The following NAT10 variants were observed in gnomAD, a reference collection of about 807,000 sequenced individuals.
NAT10 encodes N-acetyltransferase 10.
Under a neutral mutation model 132.2 loss-of-function variants are expected in NAT10, and 109 were observed. The observed-to-expected ratio is 0.82, with a 90% confidence interval of 0.71 to 0.97. NAT10 has a LOEUF of 0.97. Ranked by LOEUF, NAT10 falls within the 50% of genes least tolerant of loss-of-function variation. The pLI, the probability that NAT10 is intolerant of heterozygous loss-of-function variation, is 0.00. For synonymous variants in NAT10, 479 were observed against 478.0 expected (o/e 1.00, Z -0.03); for missense variants, 1,184 against 1,263.4 (o/e 0.94, Z 0.95).
At chr11:34,107,066 CTG>C (rs1851608573) in intron 1 of NAT10, 1 of 133,566 alleles carries the variant, frequency 7.5e-6, no homozygotes, top group African/African-American at 2.8e-5. Context: ...GAGTCTCACT[CTG>C]TCGCCTAGGC....
chr11:34,137,222 C>G (rs1296016067), intron 21 of NAT10, among the ~76,000 whole-genome samples, 196 bp downstream of exon 21: 1 of 152,178 alleles, frequency 6.6e-6, no homozygotes, highest in African/African-American at 2.4e-5. Context: ...CATTTCTTCT[C>G]CGACTACACG....
Position 34,133,881 on chromosome 11 carries a change from C to G in NAT10, c.1735-438C>G, listed in dbSNP as rs916308059. Among the ~76,000 whole-genome samples, 29 of 151,848 alleles carry G rather than the reference C, an allele frequency of 1.9e-4. 1 individual carries two copies. The highest frequency in any genetic ancestry group is 8.3e-4 in the South Asian group (4 of 4,802). ...AGAATGGATGTGTCAGGCCAGGCGC[C>G]ATGGCTCACGCCTGTAATCCCAGCA... is the stretch of plus-strand genomic sequence containing the variant. On this transcript the variant is annotated intron_variant, in intron 16 of 28. Coordinates refer to ENST00000257829, the MANE Select transcript of NAT10 (RefSeq NM_024662.3).
intron 25 of NAT10, among the ~76,000 whole-genome samples, chr11:34,141,460 G>T (rs999212809): frequency 2.0e-5 from 3 of 148,420 alleles, no homozygotes; most frequent in East Asian, 3.9e-4. Flanking sequence ...ACGTGCGCGC[G>T]CAAATACAGG....
chr11:34,143,612 G>A (rs529824445), intron 28 of NAT10, 84 bp downstream of exon 28: 2 of 1,293,298 alleles, frequency 1.5e-6, no homozygotes, highest in African/African-American at 1.5e-5. Flanking sequence ...TAGAAAATAG[G>A]AGGTTGGAGC....
intron 14 of NAT10, 103 bp from the exon 15 acceptor site, chr11:34,132,022 T>G: frequency 1.2e-6 from 1 of 848,226 alleles, no homozygotes; most frequent in Non-Finnish European, 2.0e-6. Context: ...CTTAGGACAC[T>G]GAGCTCCTGT....
chr11:34,130,764 A>G (rs1208926231), intron 12 of NAT10, 49 bp from the exon 13 acceptor site: 2 of 1,610,230 alleles, frequency 1.2e-6, no homozygotes, highest in Non-Finnish European at 1.7e-6. Flanking sequence ...CCCCTCCTAG[A>G]CAGTGGATTT....
chr11:34,139,495 G>C lies in NAT10; in HGVS notation c.2419G>C (p.Ala807Pro). ...NRNMGKPAQP[A>P]LSREELEALF... ...GAACATGGGGAAGCCAGCCCAGCCT[G>C]GTGAGCCGGGTGGGGACAGGGAGGA... Residue 807 changes from alanine to proline, a missense_variant and splice_region_variant, in exon 23 of 29, where the codon GCC (alanine) becomes CCC (proline). Transcript: ENST00000257829. 1 of 1,612,988 alleles carries C rather than the reference G, an allele frequency of 6.2e-7. No homozygotes were observed. The highest frequency in any genetic ancestry group is 1.1e-5 in the South Asian group (1 of 91,054).
Position 34,124,397 on chromosome 11 carries a change from T to C in NAT10, c.1104T>C (p.Ile368=), listed in dbSNP as rs200411857. 304 of 1,612,454 alleles carry C rather than the reference T, an allele frequency of 1.9e-4. 1 individual carries two copies. In the East Asian group the frequency reaches 6.7e-3, roughly 36 times the overall value. Residue 368 remains isoleucine (I), a synonymous_variant, in exon 11 of 29, where the codon ATT becomes ATC. Transcript: ENST00000257829. ...VNVFREHRQT[I]QYIHPADAVK... is the part of the protein sequence containing the mutation. The stretch of plus-strand genomic sequence containing the variant: ...TATTTCGAGAACACAGGCAGACTAT[T>C]CAGGTGAGGCTTGTTCTCAGACCCT...
At chr11:34,131,572 G>A in intron 14 of NAT10, 41 bp downstream of exon 14, 1 of 1,564,054 alleles carries the variant, frequency 6.4e-7, no homozygotes. Flanking sequence ...GAAAAGGAGA[G>A]GGGCGGTGAA....
intron 3 of NAT10, 94 bp from the exon 4 acceptor site, chr11:34,111,958 C>CT (rs1851702088): frequency 1.4e-6 from 2 of 1,457,694 alleles, no homozygotes; most frequent in African/African-American, 1.4e-5. Context: ...CTCTGAAAGT[C>CT]TAAGTGGGTG....
chr11:34,117,083 T>C (rs894255717), intron 6 of NAT10, among the ~76,000 whole-genome samples: 2 of 152,224 alleles, frequency 1.3e-5, no homozygotes, highest in African/African-American at 4.8e-5. Context: ...TGGCCATATA[T>C]GTCTGGGAAA....
chr11:34,133,480 G>A (rs990668560), intron 16 of NAT10, among the ~76,000 whole-genome samples: 1 of 152,128 alleles, frequency 6.6e-6, no homozygotes, highest in Non-Finnish European at 1.5e-5. Flanking sequence ...ACAGATTGGG[G>A]AACAAATTTT....
intron 3 of NAT10, 96 bp from the exon 4 acceptor site, chr11:34,111,956 G>A (rs1851702031): frequency 6.9e-7 from 1 of 1,447,704 alleles, no homozygotes; most frequent in South Asian, 1.3e-5. Flanking sequence ...AGCTCTGAAA[G>A]TCTAAGTGGG....
intron 13 of NAT10, 51 bp from the exon 14 acceptor site, chr11:34,131,330 T>G: frequency 6.4e-7 from 1 of 1,565,440 alleles, no homozygotes; most frequent in Non-Finnish European, 8.7e-7. Flanking sequence ...TTTTAGACAA[T>G]ACATATTTAA....
chr11:34,118,689 G>C lies in NAT10; in HGVS notation c.780+186G>C, dbSNP rs145645392. On this transcript the variant is annotated intron_variant, in intron 8 of 28. Transcript: ENST00000257829. Reference sequence around the variant, plus strand: ...TTTCATGTTGTGTGGGTTCCCAAAAGAAGTCTGGGGATTACCTCCCCCTAG... The same window carrying C: ...TTTCATGTTGTGTGGGTTCCCAAAACAAGTCTGGGGATTACCTCCCCCTAG... Among the ~76,000 whole-genome samples the C allele has an allele frequency of 1.5e-3, 225 of 152,276 alleles. 2 individuals carry two copies. Among genetic ancestry groups the C allele is most frequent in the African/African-American group, 5.2e-3 (218 of 41,558 alleles).
chr11:34,139,004 A>G, intron 21 of NAT10, 187 bp from the exon 22 acceptor site: 1 of 584,582 alleles, frequency 1.7e-6, no homozygotes, highest in Non-Finnish European at 3.1e-6. Flanking sequence ...GTTGTGTGTG[A>G]ACTGAGGTGA....
At position 34,115,897 on chromosome 11, in the gene NAT10, T is replaced by A. The variant is rs201824892; in HGVS notation, c.557+13T>A. 1.2e-6 allele frequency: 2 copies of A among 1,611,356 alleles called. No individual in the cohort carries two copies. The highest frequency in any genetic ancestry group is 1.7e-6 in the Non-Finnish European group (2 of 1,177,578). Reference sequence around the variant, plus strand: ...GATTTAATGAAAGGTAATTCTATAGTTCCCCCCAATTGTGGGGCAGCCACA... The same window carrying A: ...GATTTAATGAAAGGTAATTCTATAGATCCCCCCAATTGTGGGGCAGCCACA... On this transcript the variant is annotated intron_variant, in intron 6 of 28. Transcript: ENST00000257829.
rs199505742 is a variant in NAT10, at chr11:34,108,847, T to C, written c.200+14T>C. 7.5e-6 allele frequency: 12 copies of C among 1,598,268 alleles called. No homozygotes were observed. Among genetic ancestry groups the C allele is most frequent in the Non-Finnish European group, 8.5e-6 (10 of 1,173,778 alleles). ...GGGGTTTAGCAGGTAAGCTGGGCTC[T>C]TCATGTGTTTTATCCAACTTACAAT... On this transcript the variant is annotated intron_variant, in intron 3 of 28. Coordinates refer to ENST00000257829, the MANE Select transcript of NAT10 (RefSeq NM_024662.3).
chr11:34,115,436 G>A (rs1011774404), intron 5 of NAT10, among the ~76,000 whole-genome samples: 3 of 152,162 alleles, frequency 2.0e-5, no homozygotes, highest in African/African-American at 7.2e-5. Flanking sequence ...TATTTCATAT[G>A]TAGCATTTGT....
Sources: gnomAD v4.1 joint callset for allele counts (sites outside exome capture counted in the v4.1 genomes callset) on GRCh38, gnomAD v4.1.1 for gene constraint, MANE v1.5 for transcripts, NCBI Gene and HGNC (gene_info 2026-07-23, HGNC 2026-07-21) for gene names.